MAP3K4: variants seen among roughly 807,000 people sequenced by gnomAD.
MAP3K4 encodes MAP three kinase 1.
MAP3K4 carries 67 observed loss-of-function variants against 185.6 expected under a neutral mutation model. That is an observed-to-expected ratio of 0.36 (90% CI 0.30 to 0.44). MAP3K4 has a LOEUF of 0.44. Ranked by LOEUF, MAP3K4 falls within the 20% of genes least tolerant of loss-of-function variation. The pLI is 1.00. For synonymous variants in MAP3K4, 702 were observed against 710.4 expected, an observed-to-expected ratio of 0.99 and a Z score of 0.19; for missense variants, 1,551 against 1,995.1, an observed-to-expected ratio of 0.78 and a Z score of 4.24.
At position 161,091,248 on chromosome 6, in the gene MAP3K4, C is replaced by T; in HGVS notation, c.2974-131C>T. 3.3e-6 allele frequency: 2 copies of T among 614,218 alleles called. No homozygotes were observed. The highest frequency in any genetic ancestry group is 5.4e-6 in the Non-Finnish European group (2 of 370,344). The allele number at this position is 614,218 out of a possible 1,614,324, so 38.0% of individuals were successfully genotyped here. A position where few individuals can be genotyped will look rare whatever the true frequency, so the allele number is the denominator to read the frequency against. On this transcript the variant is annotated intron_variant, in intron 11 of 26. Transcript: ENST00000392142. The surrounding 1 kb of genome is among the most constrained non-coding windows in gnomAD (Gnocchi z 5.5). ...ATAATTTCTTCTATATTTGGTAATT[C>T]CTTTACCAAGTGGCTGAATTGTTTG... is the stretch of plus-strand genomic sequence containing the variant.
At chr6:161,057,163 A>G (rs1170222202) in intron 3 of MAP3K4, among the ~76,000 whole-genome samples, 1 of 152,212 alleles carries the variant, frequency 6.6e-6, no homozygotes, top group Admixed American at 6.5e-5. Flanking sequence ...TGGCCAATGA[A>G]ATACTCTTTG....
chr6:161,099,170 T>C (rs539725637), intron 17 of MAP3K4, among the ~76,000 whole-genome samples: 13 of 152,310 alleles, frequency 8.5e-5, no homozygotes, highest in Admixed American at 7.2e-4. Flanking sequence ...CATCTTCCAA[T>C]GCAAGTCAAA....
At chr6:161,055,540 T>C (rs1036011275) in intron 3 of MAP3K4, among the ~76,000 whole-genome samples, 1 of 152,238 alleles carries the variant, frequency 6.6e-6, no homozygotes, top group African/African-American at 2.4e-5. Context: ...TTAACATTGA[T>C]ACAAAGTGCT....
At position 161,093,719 on chromosome 6, in the gene MAP3K4, T is replaced by A; in HGVS notation, c.3349-54T>A. 1 of 1,016,636 alleles carries A rather than the reference T, an allele frequency of 9.8e-7. No homozygotes were observed. Among genetic ancestry groups the A allele is most frequent in the Non-Finnish European group, 1.5e-6 (1 of 653,200 alleles). 63.0% of individuals were successfully genotyped at this position (1,016,636 alleles called of 1,614,324 possible). On this transcript the variant is annotated intron_variant, in intron 14 of 26. Coordinates refer to ENST00000392142, the MANE Select transcript of MAP3K4 (RefSeq NM_005922.4). The surrounding 1 kb of genome is among the most constrained non-coding windows in gnomAD (Gnocchi z 5.2). ...AATTAATTTGTGCTACTTACATAAT[T>A]AAGAAAGTATGCATGTTTTCTCTTT... is the stretch of plus-strand genomic sequence containing the variant.
chr6:161,019,376 T>G (rs1462148126), intron 1 of MAP3K4, among the ~76,000 whole-genome samples: 7 of 152,334 alleles, frequency 4.6e-5, no homozygotes, highest in Admixed American at 1.3e-4. Flanking sequence ...TTCCTTTCTC[T>G]CATTTACCAC....
At position 161,100,610 on chromosome 6, in the gene MAP3K4, C is replaced by T. The variant is rs530873299; in HGVS notation, c.3675-1282C>T. 1.1e-4 allele frequency among the ~76,000 whole-genome samples: 17 copies of T among 152,310 alleles called. No individual in the cohort carries two copies. The highest frequency in any genetic ancestry group is 1.9e-4 in the Non-Finnish European group (13 of 68,022). On this transcript the variant is annotated intron_variant, in intron 17 of 26. Coordinates refer to ENST00000392142, the MANE Select transcript of MAP3K4 (RefSeq NM_005922.4). The surrounding 1 kb of genome is among the most constrained non-coding windows in gnomAD (Gnocchi z 5.8). Reference sequence around the variant, plus strand: ...ACTCTACAACCCACCTCCCCATCCCCGACATCCCCCACCAGAGCTAGTCGT... The same window carrying T: ...ACTCTACAACCCACCTCCCCATCCCTGACATCCCCCACCAGAGCTAGTCGT...
chr6:161,039,429 C>CA (rs1448913230), intron 2 of MAP3K4, among the ~76,000 whole-genome samples: 1 of 152,056 alleles, frequency 6.6e-6, no homozygotes, highest in African/African-American at 2.4e-5. Context: ...ACTGATTATA[C>CA]AGGTATGATT....
chr6:161,093,673 T>A lies in MAP3K4; in HGVS notation c.3349-100T>A. ...CTAACTGAAAATATTTTGGGTAGCA[T>A]GTTTTTAAAAATATACTGAAAATTA... On this transcript the variant is annotated intron_variant, in intron 14 of 26. Coordinates refer to ENST00000392142, the MANE Select transcript of MAP3K4 (RefSeq NM_005922.4). The surrounding 1 kb of genome is among the most constrained non-coding windows in gnomAD (Gnocchi z 5.2). 1.5e-6 allele frequency: 1 copy of A among 682,396 alleles called. No homozygotes were observed. The highest frequency in any genetic ancestry group is 2.5e-6 in the Non-Finnish European group (1 of 397,664). 42.3% of individuals were successfully genotyped at this position (682,396 alleles called of 1,614,324 possible).
At position 161,034,156 on chromosome 6, in the gene MAP3K4, T is replaced by A. The variant is rs1783051935; in HGVS notation, c.153-103T>A. Reference sequence around the variant, plus strand: ...AGGAGCACAGTGCTGAAGAGATTTTTCTGTACAAAAGTTTTACAAAGAATT... The same window carrying A: ...AGGAGCACAGTGCTGAAGAGATTTTACTGTACAAAAGTTTTACAAAGAATT... On this transcript the variant is annotated intron_variant, in intron 1 of 26. Coordinates refer to ENST00000392142, the MANE Select transcript of MAP3K4 (RefSeq NM_005922.4). The surrounding 1 kb of genome is among the most constrained non-coding windows in gnomAD (Gnocchi z 4.4). 2.2e-6 allele frequency: 2 copies of A among 920,514 alleles called. No homozygotes were observed. Among genetic ancestry groups the A allele is most frequent in the South Asian group, 2.0e-5 (1 of 50,818 alleles). 57.0% of individuals were successfully genotyped at this position (920,514 alleles called of 1,614,324 possible).
In MAP3K4 at chr6:161,057,349, T is replaced by C. The variant is rs75766158; in HGVS notation, c.1707+7370T>C. Among the ~76,000 whole-genome samples, 682 of 152,288 alleles carry C rather than the reference T, an allele frequency of 4.5e-3. 4 individuals carry two copies. The highest frequency in any genetic ancestry group is 6.5e-3 in the Non-Finnish European group (443 of 68,020). ...CAGACTCAACAACCCTGTGAGGTGG[T>C]GCATTTTCCAAATGCAGAAACCAGT... On this transcript the variant is annotated intron_variant, in intron 3 of 26. Transcript: ENST00000392142.
In MAP3K4 at chr6:161,108,154, G is replaced by A. The variant is rs9458122; in HGVS notation, c.4119+185G>A. Reference sequence around the variant, plus strand: ...ACACACAGACAGTGAAGGGGCTTACGATTCCAGAGAGGATAATAAGTCACA... The same window carrying A: ...ACACACAGACAGTGAAGGGGCTTACAATTCCAGAGAGGATAATAAGTCACA... On this transcript the variant is annotated intron_variant, in intron 21 of 26. Transcript: ENST00000392142. The surrounding 1 kb of genome is among the most constrained non-coding windows in gnomAD (Gnocchi z 5.7). Among the ~76,000 whole-genome samples the A allele has an allele frequency of 3.8e-3, 574 of 152,356 alleles. 7 individuals are homozygous for A. The highest frequency in any genetic ancestry group is 0.014 in the African/African-American group (563 of 41,588).
chr6:161,072,829 C>G (rs1294650820), intron 4 of MAP3K4, among the ~76,000 whole-genome samples: 1 of 152,152 alleles, frequency 6.6e-6, no homozygotes, highest in Admixed American at 6.5e-5. Flanking sequence ...CTCATTTCAA[C>G]CTTCTGCCCA....
Position 161,116,815 on chromosome 6 carries a change from C to T in MAP3K4, c.4807-35C>T, listed in dbSNP as rs753625064. 26 of 1,611,690 alleles carry T rather than the reference C, an allele frequency of 1.6e-5. No homozygotes were observed. The African/African-American group carries it at 1.9e-4, about 12-fold the overall frequency. ...CGTATGCACAAGCACACACCTGGCT[C>T]TGCAAGAGCTCAGCTCTCTCCTGCT... is the stretch of plus-strand genomic sequence containing the variant. On this transcript the variant is annotated intron_variant, in intron 26 of 26. Coordinates refer to ENST00000392142, the MANE Select transcript of MAP3K4 (RefSeq NM_005922.4). The surrounding 1 kb of genome is among the most constrained non-coding windows in gnomAD (Gnocchi z 6.2).
rs1778595318 is a variant in MAP3K4 at position 161,116,480 on chromosome 6, T to TG, written c.4807-369dup. Among the ~76,000 whole-genome samples the TG allele has an allele frequency of 1.3e-5, 2 of 151,822 alleles. No homozygotes were observed. On this transcript the variant is annotated intron_variant, in intron 26 of 26. Coordinates refer to ENST00000392142, the MANE Select transcript of MAP3K4 (RefSeq NM_005922.4). The surrounding 1 kb of genome is among the most constrained non-coding windows in gnomAD (Gnocchi z 6.2). ...GAAAGGAAGGGGCAGAAGAGTGGGG[T>TG]GATGCTCTTATTGGTAAGTGGGAGT... is the stretch of plus-strand genomic sequence containing the variant.
chr6:161,108,871 C>T lies in MAP3K4; in HGVS notation c.4236+12C>T. Reference sequence around the variant, plus strand: ...TGGAGCTCCATAGAGTAAGCCGACCCTAATGCCACTCTTTGTGTGAGGAAT... The same window carrying T: ...TGGAGCTCCATAGAGTAAGCCGACCTTAATGCCACTCTTTGTGTGAGGAAT... On this transcript the variant is annotated intron_variant, in intron 22 of 26. Coordinates refer to ENST00000392142, the MANE Select transcript of MAP3K4 (RefSeq NM_005922.4). The surrounding 1 kb of genome is among the most constrained non-coding windows in gnomAD (Gnocchi z 5.7). 1 of 1,602,666 alleles carries T rather than the reference C, an allele frequency of 6.2e-7. No homozygotes were observed. Among genetic ancestry groups the T allele is most frequent in the Non-Finnish European group, 8.5e-7 (1 of 1,169,590 alleles).
In MAP3K4 at chr6:161,091,570, C is replaced by T. The variant is rs1414466212; in HGVS notation, c.3135+30C>T. Reference sequence around the variant, plus strand: ...GTTCAAAATAAGAGGAAACACGGTACAATTTAGTAATTGCTTGATAACTTA... The same window carrying T: ...GTTCAAAATAAGAGGAAACACGGTATAATTTAGTAATTGCTTGATAACTTA... On this transcript the variant is annotated intron_variant, in intron 12 of 26. Coordinates refer to ENST00000392142, the MANE Select transcript of MAP3K4 (RefSeq NM_005922.4). This position sits in a 1 kb window ranked among gnomAD's most constrained non-coding sequence, Gnocchi z 5.5. 3.8e-6 allele frequency: 6 copies of T among 1,586,418 alleles called. No individual in the cohort carries two copies. The South Asian group carries it at 5.7e-5, about 15-fold the overall frequency.
intron 23 of MAP3K4, among the ~76,000 whole-genome samples, chr6:161,111,318 T>C (rs1778339787): frequency 6.6e-6 from 1 of 152,252 alleles, no homozygotes; most frequent in Admixed American, 6.5e-5. Context: ...AAATTCTAAC[T>C]AGACTACAAG....
At position 161,115,390 on chromosome 6, in the gene MAP3K4, A is replaced by G; in HGVS notation, c.4806+88A>G. ...GACGTTAATGAAATTTTGAAACTTT[A>G]AAGTAGCTATATCTGAAGTGGAAAG... On this transcript the variant is annotated intron_variant, in intron 26 of 26. Coordinates refer to ENST00000392142, the MANE Select transcript of MAP3K4 (RefSeq NM_005922.4). The surrounding 1 kb of genome is among the most constrained non-coding windows in gnomAD (Gnocchi z 6.0). 7.7e-7 allele frequency: 1 copy of G among 1,299,838 alleles called. No individual in the cohort carries two copies. The highest frequency in any genetic ancestry group is 1.1e-6 in the Non-Finnish European group (1 of 944,450). 80.5% of individuals were successfully genotyped at this position (1,299,838 alleles called of 1,614,324 possible).
intron 1 of MAP3K4, among the ~76,000 whole-genome samples, chr6:161,024,339 G>A (rs1336061739): frequency 6.6e-6 from 1 of 152,190 alleles, no homozygotes; most frequent in African/African-American, 2.4e-5. Flanking sequence ...CCTATGCTCA[G>A]TTTCCCCTTT....
Sources: gnomAD v4.1 joint callset for allele counts (sites outside exome capture counted in the v4.1 genomes callset) on GRCh38, gnomAD v4.1.1 for gene constraint, Gnocchi (gnomAD v3.1) non-coding constraint, MANE v1.5 for transcripts, NCBI Gene and HGNC (gene_info 2026-07-23, HGNC 2026-07-21) for gene names.